FBXW11: variants seen among roughly 807,000 people sequenced by gnomAD.
FBXW11 encodes the protein F-box/WD repeat-containing protein 11.
A neutral mutation model predicts 77.6 loss-of-function variants in FBXW11; 19 were observed. That is an observed-to-expected ratio of 0.24 (90% CI 0.17 to 0.36). The LOEUF (loss-of-function observed/expected upper bound fraction) is 0.36. FBXW11 is among the 10% of genes least tolerant of loss of function. The pLI is 1.00. For missense variants in FBXW11, 334 were observed against 704.2 expected (o/e 0.47, Z 5.95); for synonymous variants, 235 against 249.4 (o/e 0.94, Z 0.54).
chr5:171,891,873 T>C (rs1759370335), intron 6 of FBXW11, among the ~76,000 whole-genome samples: 1 of 152,066 alleles, frequency 6.6e-6, no homozygotes, highest in Non-Finnish European at 1.5e-5. Flanking sequence ...TAGACAGAAT[T>C]CAGTATGTTT....
In FBXW11 at chr5:171,919,623, T is replaced by C. The variant is rs146313366; in HGVS notation, c.148-5218A>G. 7.2e-5 allele frequency among the ~76,000 whole-genome samples: 11 copies of C among 152,294 alleles called. No homozygotes were observed. The East Asian group carries it at 1.3e-3, about 19-fold the overall frequency. ...CAGGCATTGTGATAGAAACTTTATATAAATTACCTTTAATGATGACCTTGT... is the reference window on the plus strand; with the variant it reads ...CAGGCATTGTGATAGAAACTTTATACAAATTACCTTTAATGATGACCTTGT... On this transcript the variant is annotated intron_variant, in intron 2 of 13. Transcript: ENST00000517395.
intron 1 of FBXW11, among the ~76,000 whole-genome samples, chr5:171,971,298 C>T (rs1298079150): frequency 6.6e-6 from 1 of 152,144 alleles, no homozygotes; most frequent in East Asian, 1.9e-4. Flanking sequence ...AAACAACACT[C>T]TGGAACTTCT....
chr5:171,973,610 T>A (rs758245239), intron 1 of FBXW11, among the ~76,000 whole-genome samples: 9 of 152,214 alleles, frequency 5.9e-5, no homozygotes, highest in African/African-American at 2.2e-4. Flanking sequence ...GATGAGATCA[T>A]AGACCAGAAA....
intron 1 of FBXW11, among the ~76,000 whole-genome samples, chr5:171,973,542 A>G (rs907499392): frequency 4.6e-5 from 7 of 152,238 alleles, no homozygotes; most frequent in Admixed American, 1.3e-4. Flanking sequence ...CTGAGAAACC[A>G]TAACAGCCAA....
intron 1 of FBXW11, among the ~76,000 whole-genome samples, chr5:171,972,295 C>A (rs921129629): frequency 6.7e-6 from 1 of 149,928 alleles, no homozygotes; most frequent in East Asian, 2.0e-4. Context: ...CTGGTCAACA[C>A]AATGAGACCT....
chr5:171,985,337 C>T (rs368504975), intron 1 of FBXW11, among the ~76,000 whole-genome samples: 25 of 152,246 alleles, frequency 1.6e-4, no homozygotes, highest in East Asian at 9.6e-4. Context: ...AGGGATCACA[C>T]GCTCAAAAAC....
intron 2 of FBXW11, among the ~76,000 whole-genome samples, chr5:171,942,715 T>C (rs1481179402): frequency 2.6e-5 from 4 of 152,134 alleles, no homozygotes; most frequent in Admixed American, 1.3e-4. Flanking sequence ...GGTAGGACGA[T>C]CACCTGAGCC....
In FBXW11 at chr5:171,914,414, G is replaced by C; in HGVS notation, c.148-9C>G. On this transcript the variant is annotated splice_polypyrimidine_tract_variant and intron_variant, in intron 2 of 13. Coordinates refer to ENST00000517395, the MANE Select transcript of FBXW11 (RefSeq NM_001378974.1). ...TCCATAACTGAAGTGTTCTAGGGGG[G>C]GAAAAACAGGTTATTTGAATTATAC... 1 of 1,568,666 alleles carries C rather than the reference G, an allele frequency of 6.4e-7. No homozygotes were observed. The highest frequency in any genetic ancestry group is 8.6e-7 in the Non-Finnish European group (1 of 1,165,262).
At position 171,863,865 on chromosome 5, in the gene FBXW11, T is replaced by C. The variant is rs1456525876; in HGVS notation, c.*262A>G. ...AACAATTTACATTTGAAACATTAGA[T>C]TTTTTCACTGATGAGGGAAGGAAAC... On this transcript the variant is annotated 3_prime_UTR_variant, in exon 14 of 14. Transcript: ENST00000517395. The C allele has an allele frequency of 6.6e-6, 1 of 152,456 alleles. No individual in the cohort carries two copies. Among genetic ancestry groups the C allele is most frequent in the Non-Finnish European group, 1.5e-5 (1 of 68,042 alleles). The allele number at this position is 152,456 out of a possible 1,614,324, so 9.4% of individuals were successfully genotyped here.
intron 5 of FBXW11, 53 bp downstream of exon 5, chr5:171,899,860 CT>C: frequency 7.1e-7 from 1 of 1,412,948 alleles, no homozygotes; most frequent in Non-Finnish European, 9.5e-7. Flanking sequence ...AGTAATCAAG[CT>C]GACTCTATGT....
At chr5:171,967,873 TATATATATATACACACACACACAC>T (rs1439561529) in intron 1 of FBXW11, among the ~76,000 whole-genome samples, 1 of 50,472 alleles carries the variant, frequency 2.0e-5, no homozygotes, top group Middle Eastern at 0.011. Context: ...TATATATATA[TATATATATATACACACACACACAC>T]ACACACACAC....
At chr5:172,002,696 C>CTTTTTTTTTTTTTTTTTTTT (rs34300477) in intron 1 of FBXW11, among the ~76,000 whole-genome samples, 13 of 97,052 alleles carry the variant, frequency 1.3e-4, no homozygotes, top group South Asian at 3.3e-4. Context: ...TTTTTCTTTT[C>CTTTTTTTTTTTTTTTTTTTT]TTTTTTTTTT....
At chr5:171,949,995 T>G (rs1763220051) in intron 2 of FBXW11, among the ~76,000 whole-genome samples, 1 of 152,152 alleles carries the variant, frequency 6.6e-6, no homozygotes, top group African/African-American at 2.4e-5. Context: ...ATTACAATGA[T>G]GCTTAACTCC....
chr5:171,885,502 A>G (rs1195614090), intron 7 of FBXW11, among the ~76,000 whole-genome samples: 1 of 152,224 alleles, frequency 6.6e-6, no homozygotes, highest in East Asian at 1.9e-4. Flanking sequence ...GTGGGGCAGC[A>G]GCTTCTCCTG....
At chr5:171,967,192 T>C (rs958320867) in intron 1 of FBXW11, among the ~76,000 whole-genome samples, 6 of 152,244 alleles carry the variant, frequency 3.9e-5, no homozygotes, top group Non-Finnish European at 8.8e-5. Flanking sequence ...TTGAAACTCA[T>C]GCACATCATT....
intron 2 of FBXW11, among the ~76,000 whole-genome samples, chr5:171,939,526 G>A (rs978854098): frequency 3.3e-5 from 5 of 151,748 alleles, no homozygotes; most frequent in African/African-American, 9.7e-5. Flanking sequence ...CCAAGACCCC[G>A]TCTCTAAGAA....
intron 2 of FBXW11, among the ~76,000 whole-genome samples, chr5:171,926,921 C>T (rs1581212276): frequency 6.6e-6 from 1 of 152,042 alleles, no homozygotes; most frequent in East Asian, 1.9e-4. Flanking sequence ...CACTTCAGTG[C>T]AGTGGGAAAA....
intron 11 of FBXW11, among the ~76,000 whole-genome samples, chr5:171,870,410 C>G (rs1020478874): frequency 6.7e-6 from 1 of 150,368 alleles, no homozygotes; most frequent in African/African-American, 2.5e-5. Flanking sequence ...CACACACACA[C>G]ACAAAGAGCC....
At position 172,006,614 on chromosome 5, in the gene FBXW11, C is replaced by G. The variant is rs944079273; in HGVS notation, c.-112G>C. 950 of 1,308,238 alleles carry G rather than the reference C, an allele frequency of 7.3e-4. 2 individuals carry two copies. The highest frequency in any genetic ancestry group is 8.5e-4 in the Non-Finnish European group (871 of 1,027,006). 81.0% of individuals were successfully genotyped at this position (1,308,238 alleles called of 1,614,324 possible). A position where few individuals can be genotyped will look rare whatever the true frequency, so the allele number is the denominator to read the frequency against. On this transcript the variant is annotated 5_prime_UTR_variant, in exon 1 of 14. Coordinates refer to ENST00000517395, the MANE Select transcript of FBXW11 (RefSeq NM_001378974.1). ...GAGGCGGCTATCGCACCCACTCTAGCTGCCAGCCCGCCCGGGCCGCCGGCA... is the reference window on the plus strand; with the variant it reads ...GAGGCGGCTATCGCACCCACTCTAGGTGCCAGCCCGCCCGGGCCGCCGGCA...
Sources: allele counts gnomAD v4.1 joint callset (sites outside exome capture counted in the v4.1 genomes callset), GRCh38; gene constraint gnomAD v4.1.1; transcripts MANE v1.5; gene names NCBI Gene and HGNC (gene_info 2026-07-23, HGNC 2026-07-21).